Variants in MAL observed in about 807,000 individuals in gnomAD.
MAL encodes myelin and lymphocyte protein.
A neutral mutation model predicts 16.7 loss-of-function variants in MAL; 5 were observed. The observed-to-expected ratio is 0.30, with a 90% CI of 0.16 to 0.63. The LOEUF (loss-of-function observed/expected upper bound fraction) is 0.63. Ranked by LOEUF, MAL falls within the 30% of genes least tolerant of loss-of-function variation. The pLI is 0.82. For missense variants in MAL, 202 were observed against 195.8 expected (o/e 1.03, Z -0.19); for synonymous variants, 96 against 85.5 (o/e 1.12, Z -0.67).
chr2:95,026,194 G>C (rs1673932463), intron 1 of MAL: 1 of 244,746 alleles, frequency 4.1e-6, no homozygotes, highest in Non-Finnish European at 7.8e-6. Context: ...CCAAAGCTGC[G>C]CGCGGGGCCC....
intron 1 of MAL, among the ~76,000 whole-genome samples, chr2:95,036,604 C>T (rs1487063176): frequency 2.6e-5 from 4 of 152,310 alleles, no homozygotes; most frequent in South Asian, 2.1e-4. Context: ...CTGTTAAATG[C>T]GTGAGTGAAT....
chr2:95,039,396 GT>G (rs1674379965), intron 1 of MAL, among the ~76,000 whole-genome samples: 1 of 151,080 alleles, frequency 6.6e-6, no homozygotes, highest in Non-Finnish European at 1.5e-5. Context: ...GAGTGAGTGA[GT>G]GACTGAGTGA....
intron 1 of MAL, among the ~76,000 whole-genome samples, chr2:95,031,379 G>A (rs778906485): frequency 2.6e-5 from 4 of 152,154 alleles, no homozygotes; most frequent in Admixed American, 2.0e-4. Flanking sequence ...CCTCCTCTGG[G>A]TCTCCTTGTC....
At chr2:95,037,529 C>CGAGTGAGTGAGTGAGTGAGT (rs1436816987) in intron 1 of MAL, among the ~76,000 whole-genome samples, 1 of 40,640 alleles carries the variant, frequency 2.5e-5, no homozygotes, top group South Asian at 9.2e-4. Flanking sequence ...AGTGAGCAAG[C>CGAGTGAGTGAGTGAGTGAGT]GAGTGAGTGA....
chr2:95,034,470 C>T (rs1337308679), intron 1 of MAL, among the ~76,000 whole-genome samples: 8 of 152,190 alleles, frequency 5.3e-5, no homozygotes, highest in South Asian at 2.1e-4. Context: ...TACATCTGCC[C>T]GCAGGCGTAG....
intron 3 of MAL, among the ~76,000 whole-genome samples, chr2:95,050,790 G>T (rs1038450347): frequency 6.6e-6 from 1 of 152,196 alleles, no homozygotes; most frequent in African/African-American, 2.4e-5. Context: ...GGGTCCCGCG[G>T]TGTGGAAACA....
chr2:95,053,086 C>T, intron 3 of MAL: 1 of 339,320 alleles, frequency 2.9e-6, no homozygotes, highest in South Asian at 9.9e-5. Flanking sequence ...AGGACTCCAT[C>T]TCAAGTCAGC....
chr2:95,032,151 C>T (rs1473455207), intron 1 of MAL, among the ~76,000 whole-genome samples: 2 of 152,248 alleles, frequency 1.3e-5, no homozygotes, highest in East Asian at 1.9e-4. Context: ...GTAGGAAGCC[C>T]CACGATGCTG....
Position 95,025,991 on chromosome 2 carries a change from G to T in MAL, c.93+106G>T. 1.0e-6 allele frequency: 1 copy of T among 985,084 alleles called. No homozygotes were observed. Among genetic ancestry groups the T allele is most frequent in the Non-Finnish European group, 1.5e-6 (1 of 672,180 alleles). The allele number at this position is 985,084 out of a possible 1,614,324, so 61.0% of individuals were successfully genotyped here. ...GGATCCGCTAGCTGCGCAGGTTCTG[G>T]GAGCATCGGGGCAGCAGGCGCAGGG... On this transcript the variant is annotated intron_variant, in intron 1 of 3. Transcript: ENST00000309988. The surrounding 1 kb of genome is among the most constrained non-coding windows in gnomAD (Gnocchi z 5.6).
intron 1 of MAL, among the ~76,000 whole-genome samples, chr2:95,042,071 C>T (rs1031469271): frequency 6.6e-6 from 1 of 152,136 alleles, no homozygotes; most frequent in Admixed American, 6.5e-5. Context: ...CAGAGGAAAC[C>T]CAAGGACGAG....
chr2:95,041,765 A>C (rs1674472123), intron 1 of MAL, among the ~76,000 whole-genome samples: 1 of 152,148 alleles, frequency 6.6e-6, no homozygotes, highest in African/African-American at 2.4e-5. Context: ...AAACATGAGA[A>C]GCTTCTCCAA....
intron 1 of MAL, among the ~76,000 whole-genome samples, chr2:95,037,570 G>C (rs1264581835): frequency 3.9e-5 from 6 of 151,928 alleles, no homozygotes; most frequent in Non-Finnish European, 2.9e-5. Flanking sequence ...CTGAGTGAGT[G>C]AGTGACTGAG....
At chr2:95,038,689 T>A (rs1183129867) in intron 1 of MAL, among the ~76,000 whole-genome samples, 1 of 151,014 alleles carries the variant, frequency 6.6e-6, no homozygotes, top group African/African-American at 2.4e-5. Context: ...ACTGAGTGAG[T>A]GACTGAGTGA....
At chr2:95,035,922 G>A (rs1334156933) in intron 1 of MAL, among the ~76,000 whole-genome samples, 1 of 152,164 alleles carries the variant, frequency 6.6e-6, no homozygotes, top group African/African-American at 2.4e-5. Context: ...GCTCACCTCA[G>A]CCTCCCCAAG....
intron 1 of MAL, among the ~76,000 whole-genome samples, chr2:95,041,204 A>G (rs553087625): frequency 6.6e-6 from 1 of 152,352 alleles, no homozygotes; most frequent in South Asian, 2.1e-4. Flanking sequence ...GAAACTCCAG[A>G]CGAATCTCAA....
At chr2:95,030,987 T>C (rs1475228253) in intron 1 of MAL, among the ~76,000 whole-genome samples, 1 of 152,162 alleles carries the variant, frequency 6.6e-6, no homozygotes, top group East Asian at 1.9e-4. Flanking sequence ...GACTGGGCCA[T>C]GGGCCAGCGA....
At chr2:95,030,000 T>C (rs1268121096) in intron 1 of MAL, among the ~76,000 whole-genome samples, 1 of 152,220 alleles carries the variant, frequency 6.6e-6, no homozygotes, top group Non-Finnish European at 1.5e-5. Flanking sequence ...TGACTCATAG[T>C]TCAGATTCCC....
At chr2:95,039,763 C>T (rs997897421) in intron 1 of MAL, among the ~76,000 whole-genome samples, 2 of 151,384 alleles carry the variant, frequency 1.3e-5, no homozygotes, top group African/African-American at 4.9e-5. Context: ...GAGTGAGTGA[C>T]TGAGTGAGTG....
At chr2:95,031,466 A>G (rs1674079685) in intron 1 of MAL, among the ~76,000 whole-genome samples, 1 of 152,194 alleles carries the variant, frequency 6.6e-6, no homozygotes. Context: ...CACACCCTCC[A>G]CTGACTGGCT....
Sources: gnomAD v4.1 joint callset for allele counts (sites outside exome capture counted in the v4.1 genomes callset) on GRCh38, gnomAD v4.1.1 for gene constraint, Gnocchi (gnomAD v3.1) non-coding constraint, MANE v1.5 for transcripts, NCBI Gene and HGNC (gene_info 2026-07-23, HGNC 2026-07-21) for gene names.